Variants in TBC1D10A observed in about 807,000 individuals in gnomAD.
TBC1D10A encodes the protein TBC1 domain family member 10A, also known as EBP50-PDX interactor of 64 kDa.
A neutral mutation model predicts 52.9 loss-of-function variants in TBC1D10A; 24 were observed. The ratio of observed to expected loss-of-function variants is 0.45; its 90% CI spans 0.33 to 0.64. TBC1D10A has a LOEUF of 0.64. Among genes scored for constraint, TBC1D10A ranks in the 30% least tolerant of loss-of-function variants. TBC1D10A has a pLI of 0.02. For missense variants in TBC1D10A, 602 were observed against 687.9 expected (o/e 0.88, Z 1.40); for synonymous variants, 278 against 282.9 (o/e 0.98, Z 0.17).
chr22:30,303,312 G>A (rs1334465309), intron 2 of TBC1D10A, among the ~76,000 whole-genome samples: 1 of 151,818 alleles, frequency 6.6e-6, no homozygotes, highest in East Asian at 1.9e-4. Context: ...TAGATAGACA[G>A]ACAGACAGAC....
intron 1 of TBC1D10A, among the ~76,000 whole-genome samples, chr22:30,309,813 T>A (rs1369613449): frequency 1.3e-5 from 2 of 152,168 alleles, no homozygotes; most frequent in Non-Finnish European, 2.9e-5. Context: ...GGTTCTCTCT[T>A]CCCTTGTCCT....
rs1375763798 is a variant in TBC1D10A, at chr22:30,326,905, C to A, written c.-24G>T. ...ATCCCAGCCGCGCCCGCCGCCTGAG[C>A]TCCAGCGGCCACCTCAGCCGCCCTG... On this transcript the variant is annotated 5_prime_UTR_variant, in exon 1 of 9. Coordinates refer to ENST00000215790, the MANE Select transcript of TBC1D10A (RefSeq NM_031937.3). 3 of 1,451,518 alleles carry A rather than the reference C, an allele frequency of 2.1e-6. No individual in the cohort carries two copies. The highest frequency in any genetic ancestry group is 1.5e-5 in the African/African-American group (1 of 67,466). The allele number at this position is 1,451,518 out of a possible 1,614,324, so 89.9% of individuals were successfully genotyped here. A position where few individuals can be genotyped will look rare whatever the true frequency, so the allele number is the denominator to read the frequency against.
intron 2 of TBC1D10A, among the ~76,000 whole-genome samples, chr22:30,303,754 C>T (rs1930254128): frequency 6.6e-6 from 1 of 152,238 alleles, no homozygotes; most frequent in Non-Finnish European, 1.5e-5. Context: ...AGGCTCGGAA[C>T]AGGCCTCCTC....
At position 30,303,302 on chromosome 22, in the gene TBC1D10A, T is replaced by TAGAC. The variant is rs1555973490; in HGVS notation, c.309+1228_309+1229insGTCT. On this transcript the variant is annotated intron_variant, in intron 2 of 8. Transcript: ENST00000215790. ...TCAAATAAATAGTTAGATAGATAGA[T>TAGAC]AGATAGACAGACAGACAGACAGACA... Among the ~76,000 whole-genome samples the TAGAC allele has an allele frequency of 2.3e-4, 30 of 130,994 alleles. No homozygotes were observed. The East Asian group carries it at 2.7e-3, about 12-fold the overall frequency. 85.9% of individuals were successfully genotyped at this position (130,994 alleles called of 152,430 possible). A position where few individuals can be genotyped will look rare whatever the true frequency, so the allele number is the denominator to read the frequency against.
At chr22:30,298,038 G>C (rs1930120839) in intron 3 of TBC1D10A, 1 of 152,212 alleles carries the variant, frequency 6.6e-6, no homozygotes, top group Non-Finnish European at 1.5e-5. Context: ...AGACCCCCTG[G>C]GGGGTGGCTG....
At chr22:30,300,451 GAA>G (rs57276123) in intron 2 of TBC1D10A, 97 of 131,058 alleles carry the variant, frequency 7.4e-4, no homozygotes, top group Non-Finnish European at 9.0e-4. Flanking sequence ...TCTGTTTCAG[GAA>G]AAAAAAAAAA....
chr22:30,300,077 C>A (rs931747482), intron 2 of TBC1D10A, among the ~76,000 whole-genome samples: 2 of 152,150 alleles, frequency 1.3e-5, no homozygotes, highest in Non-Finnish European at 2.9e-5. Flanking sequence ...CAGGGTCCCA[C>A]ATCCCTGGTG....
chr22:30,323,653 T>G (rs555573096), intron 1 of TBC1D10A, among the ~76,000 whole-genome samples: 1 of 152,276 alleles, frequency 6.6e-6, no homozygotes, highest in South Asian at 2.1e-4. Flanking sequence ...AAGTAAGGGC[T>G]GAGCTGGTCA....
Position 30,313,748 on chromosome 22 carries a change from C to T in TBC1D10A, c.210-9118G>A, listed in dbSNP as rs529011116. Among the ~76,000 whole-genome samples, 14 of 151,708 alleles carry T rather than the reference C, an allele frequency of 9.2e-5. No homozygotes were observed. The South Asian group carries it at 2.9e-3, about 32-fold the overall frequency. Reference sequence around the variant, plus strand: ...TTCATGAGCTTGGTGACCTCAGACACTCTGAATTTCATTAAGTGTTGTCAG... The same window carrying T: ...TTCATGAGCTTGGTGACCTCAGACATTCTGAATTTCATTAAGTGTTGTCAG... On this transcript the variant is annotated intron_variant, in intron 1 of 8. Transcript: ENST00000215790.
chr22:30,309,633 G>C (rs1048322366), intron 1 of TBC1D10A, among the ~76,000 whole-genome samples: 1 of 152,212 alleles, frequency 6.6e-6, no homozygotes, highest in African/African-American at 2.4e-5. Flanking sequence ...ACTGGAACAG[G>C]CTTAGCCATG....
At chr22:30,303,111 T>A (rs1303912262) in intron 2 of TBC1D10A, among the ~76,000 whole-genome samples, 1 of 152,168 alleles carries the variant, frequency 6.6e-6, no homozygotes, top group South Asian at 2.1e-4. Flanking sequence ...TGAAACCCCA[T>A]CTCTACAAAA....
intron 2 of TBC1D10A, 102 bp downstream of exon 2, chr22:30,304,429 T>C (rs1436497959): frequency 6.4e-7 from 1 of 1,555,238 alleles, no homozygotes; most frequent in Non-Finnish European, 8.7e-7. Flanking sequence ...ATCTGGCAGT[T>C]ATAGAAGCCT....
intron 1 of TBC1D10A, among the ~76,000 whole-genome samples, chr22:30,306,951 A>G (rs1009907479): frequency 3.3e-5 from 5 of 152,228 alleles, no homozygotes; most frequent in Non-Finnish European, 7.3e-5. Context: ...TCAGGATCTT[A>G]GAAAACATCT....
rs1930154662 is a variant in TBC1D10A, at chr22:30,299,473, T to C, written c.388A>G (p.Lys130Glu). ...AACTTTCCAGGGTTCTGCTGTAACT[T>C]CACCTTGCCTCCTGACAGGTACTGC... ...AWQYLSGGKV[K>E]LQQNPGKFDE... The change falls in exon 3 of 9, where the codon AAG (lysine) becomes GAG (glutamate). Residue 130 changes from lysine (K) to glutamate (E), a missense_variant. This residue lies in a region of TBC1D10A where 201 missense variants were observed against 204.4 expected (regional missense o/e 0.98). Transcript: ENST00000215790. 1 of 1,614,118 alleles carries C rather than the reference T, an allele frequency of 6.2e-7. No homozygotes were observed. The highest frequency in any genetic ancestry group is 2.2e-5 in the East Asian group (1 of 44,878).
chr22:30,300,248 G>C lies in TBC1D10A; in HGVS notation c.310-697C>G, dbSNP rs1024356911. Among the ~76,000 whole-genome samples the C allele has an allele frequency of 4.0e-5, 6 of 151,874 alleles. No individual in the cohort carries two copies. The East Asian group carries it at 9.7e-4, about 25-fold the overall frequency. On this transcript the variant is annotated intron_variant, in intron 2 of 8. Coordinates refer to ENST00000215790, the MANE Select transcript of TBC1D10A (RefSeq NM_031937.3). The stretch of plus-strand genomic sequence containing the variant: ...AGATCACTTAAGGTCAGGAGTTCGA[G>C]ACCAGCCTGGCCAACATGGTGAAAC...
chr22:30,323,572 T>C (rs1251641463), intron 1 of TBC1D10A, among the ~76,000 whole-genome samples: 3 of 152,222 alleles, frequency 2.0e-5, no homozygotes, highest in African/African-American at 7.2e-5. Flanking sequence ...CAAGTCCTAG[T>C]TCTGCCACTA....
intron 1 of TBC1D10A, among the ~76,000 whole-genome samples, chr22:30,305,349 T>C (rs932461758): frequency 2.0e-5 from 3 of 152,158 alleles, no homozygotes; most frequent in Non-Finnish European, 2.9e-5. Flanking sequence ...CCTCATGGAG[T>C]TGATATTCTG....
Position 30,292,505 on chromosome 22 carries a change from G to C in TBC1D10A, c.1397C>G (p.Pro466Arg), listed in dbSNP as rs145310510. The change falls in exon 9 of 9, where the codon CCA (proline) becomes CGA (arginine). Residue 466 changes from proline to arginine, a missense_variant. Pro to Arg is a moderately radical substitution (Grantham distance 103). Around this residue, in one of 3 missense-constraint regions of TBC1D10A, gnomAD observed 265 missense variants for 275.1 expected, o/e 0.96. Coordinates refer to ENST00000215790, the MANE Select transcript of TBC1D10A (RefSeq NM_031937.3). Reference sequence around the variant, plus strand: ...TGAGTCCTTCGGGGGCACATGCTGTGGGGGACATGCATCTCCTGCAGCGGC... The same window carrying C: ...TGAGTCCTTCGGGGGCACATGCTGTCGGGGACATGCATCTCCTGCAGCGGC... Reference protein sequence around the residue: ...VVAAAGDACPPQHVPPKDSAP... With the variant: ...VVAAAGDACPRQHVPPKDSAP... 3.7e-6 allele frequency: 6 copies of C among 1,610,150 alleles called. No homozygotes were observed. The highest frequency in any genetic ancestry group is 5.1e-6 in the Non-Finnish European group (6 of 1,178,356).
chr22:30,299,642 G>T, intron 2 of TBC1D10A, 91 bp from the exon 3 acceptor site: 1 of 1,135,234 alleles, frequency 8.8e-7, no homozygotes. Flanking sequence ...GGCCCTCAGT[G>T]CACACAGCAG....
Sources: allele counts gnomAD v4.1 joint callset (sites outside exome capture counted in the v4.1 genomes callset), GRCh38; gene constraint gnomAD v4.1.1; regional missense constraint gnomAD v4.1.1; transcripts MANE v1.5; gene names NCBI Gene and HGNC (gene_info 2026-07-23, HGNC 2026-07-21).